SPATA6: variants seen among roughly 807,000 people sequenced by gnomAD.
SPATA6 encodes spermatogenesis associated 6.
A neutral mutation model predicts 65.3 loss-of-function variants in SPATA6; 56 were observed. The observed-to-expected ratio is 0.86, with a 90% CI of 0.69 to 1.07. SPATA6 has a LOEUF of 1.07. SPATA6 is among the 50% of genes least tolerant of loss of function. SPATA6 has a pLI of 0.00. For missense variants in SPATA6, 590 were observed against 594.8 expected, an observed-to-expected ratio of 0.99 and a Z score of 0.08; for synonymous variants, 199 against 213.2, an observed-to-expected ratio of 0.93 and a Z score of 0.58.
chr1:48,291,951 T>G (rs1557511870), downstream of SPATA6, among the ~76,000 whole-genome samples: 1 of 152,212 alleles, frequency 6.6e-6, no homozygotes, highest in African/African-American at 2.4e-5. Context: ...TGTCATTTTG[T>G]CCCCGCTTTC....
In SPATA6 at chr1:48,305,822, A is replaced by G. The variant is rs564236480; in HGVS notation, c.1251T>C (p.Cys417=). The G allele has an allele frequency of 1.2e-5, 20 of 1,612,390 alleles. No homozygotes were observed. The South Asian group carries it at 1.8e-4, about 14-fold the overall frequency. Residue 417 remains cysteine (C), a synonymous_variant, in exon 12 of 13, where the codon TGT becomes TGC. Coordinates refer to ENST00000371847, the MANE Select transcript of SPATA6 (RefSeq NM_019073.4). The stretch of plus-strand genomic sequence containing the variant: ...GGTCACTGTCATAGGCAGAGTCTCT[A>G]CATAAAAGACTTCTTTTCAGTTCCA... The part of the protein sequence containing the change: ...DELELKRSLL[C]RDSAYDSDPE...
intron 11 of SPATA6, among the ~76,000 whole-genome samples, chr1:48,319,248 C>T (rs1171695889): frequency 1.3e-5 from 2 of 152,056 alleles, no homozygotes; most frequent in African/African-American, 2.4e-5. Context: ...CCAAAGAAAA[C>T]ATAGAAAAGT....
chr1:48,415,848 A>G (rs926313531), intron 3 of SPATA6, among the ~76,000 whole-genome samples: 5 of 152,180 alleles, frequency 3.3e-5, no homozygotes, highest in Admixed American at 6.5e-5. Flanking sequence ...CAAGGAGAAT[A>G]AATGCCCCCC....
the SPATA6 span, among the ~76,000 whole-genome samples, chr1:48,281,893 A>G: frequency 6.6e-6 from 1 of 152,240 alleles, no homozygotes; most frequent in Admixed American, 6.5e-5. Context: ...CTAAGCCAAA[A>G]GAGCAAAGCT....
chr1:48,317,487 T>C (rs1426742327), intron 11 of SPATA6, among the ~76,000 whole-genome samples: 1 of 141,582 alleles, frequency 7.1e-6, no homozygotes, highest in Non-Finnish European at 1.5e-5. Flanking sequence ...TGAGAACACA[T>C]GGACACAGGA....
intron 5 of SPATA6, 33 bp downstream of exon 5, chr1:48,411,431 C>A: frequency 6.3e-7 from 1 of 1,590,352 alleles, no homozygotes; most frequent in Non-Finnish European, 8.6e-7. Flanking sequence ...GATTTTCCAT[C>A]AAAAACTGAT....
At chr1:48,402,012 G>A (rs1651210366) in intron 6 of SPATA6, among the ~76,000 whole-genome samples, 1 of 152,030 alleles carries the variant, frequency 6.6e-6, no homozygotes, top group African/African-American at 2.4e-5. Flanking sequence ...AATCTTTACA[G>A]CAGCCTTATG....
chr1:48,314,705 A>G (rs1476216028), intron 11 of SPATA6, among the ~76,000 whole-genome samples: 1 of 152,148 alleles, frequency 6.6e-6, no homozygotes, highest in East Asian at 1.9e-4. Context: ...GCAGAACTGA[A>G]GGAGACAGAG....
intron 9 of SPATA6, among the ~76,000 whole-genome samples, chr1:48,369,711 C>T (rs1647171623): frequency 1.3e-5 from 2 of 152,242 alleles, no homozygotes; most frequent in Admixed American, 1.3e-4. Flanking sequence ...AGGGAACTCC[C>T]TGACCCCTTG....
At chr1:48,317,630 A>T (rs1645476734) in intron 11 of SPATA6, among the ~76,000 whole-genome samples, 1 of 152,186 alleles carries the variant, frequency 6.6e-6, no homozygotes, top group Admixed American at 6.5e-5. Context: ...ATATATATGT[A>T]ACAAACCTGC....
intron 11 of SPATA6, among the ~76,000 whole-genome samples, chr1:48,340,335 A>T (rs1268677620): frequency 2.0e-5 from 3 of 150,932 alleles, no homozygotes; most frequent in Admixed American, 6.6e-5. Flanking sequence ...AAAAACAAAG[A>T]TCACCAAAAA....
intron 11 of SPATA6, among the ~76,000 whole-genome samples, chr1:48,308,633 G>A (rs1288975122): frequency 6.6e-6 from 1 of 152,072 alleles, no homozygotes; most frequent in Non-Finnish European, 1.5e-5. Flanking sequence ...TTGTAGTGCA[G>A]ATCTGCTAGT....
At chr1:48,364,967 G>A (rs888039758) in intron 9 of SPATA6, among the ~76,000 whole-genome samples, 5 of 152,026 alleles carry the variant, frequency 3.3e-5, no homozygotes, top group African/African-American at 1.2e-4. Flanking sequence ...TCGTGAATTA[G>A]TTTTTGTATA....
chr1:48,316,925 A>C (rs951292701), intron 11 of SPATA6, among the ~76,000 whole-genome samples: 15 of 152,238 alleles, frequency 9.9e-5, no homozygotes, highest in Non-Finnish European at 2.9e-5. Context: ...GACACATGAA[A>C]AAATGCTCAT....
chr1:48,400,352 A>G (rs1570454147), intron 6 of SPATA6, among the ~76,000 whole-genome samples: 1 of 151,978 alleles, frequency 6.6e-6, no homozygotes, highest in East Asian at 1.9e-4. Flanking sequence ...TTAGCAGTCT[A>G]AAAGTTTTGA....
At chr1:48,465,107 A>C (rs2148196971) in intron 1 of SPATA6, among the ~76,000 whole-genome samples, 1 of 152,286 alleles carries the variant, frequency 6.6e-6, no homozygotes, top group East Asian at 1.9e-4. Flanking sequence ...ATAAAGGTTT[A>C]GTATCCAAAA....
At chr1:48,268,879 T>C in the SPATA6 span, among the ~76,000 whole-genome samples, 1 of 152,216 alleles carries the variant, frequency 6.6e-6, no homozygotes. Context: ...ATTATCTTTA[T>C]GCATCTACTA....
chr1:48,345,549 T>C (rs1304918139), intron 11 of SPATA6, among the ~76,000 whole-genome samples: 2 of 151,900 alleles, frequency 1.3e-5, no homozygotes, highest in Non-Finnish European at 2.9e-5. Flanking sequence ...GATCAACAAA[T>C]CCAGGAGCTG....
intron 10 of SPATA6, among the ~76,000 whole-genome samples, chr1:48,356,486 T>C (rs1646663024): frequency 6.6e-6 from 1 of 151,356 alleles, no homozygotes; most frequent in African/African-American, 2.4e-5. Context: ...AACTTTGCCT[T>C]GTTTTCTTCC....
Sources: allele counts gnomAD v4.1 joint callset (sites outside exome capture counted in the v4.1 genomes callset), GRCh38; gene constraint gnomAD v4.1.1; transcripts MANE v1.5; gene names NCBI Gene and HGNC (gene_info 2026-07-23, HGNC 2026-07-21).